The following ALG14 variants were observed in gnomAD, a reference collection of about 807,000 sequenced individuals.
ALG14 encodes ALG14 UDP-N-acetylglucosaminyltransferase subunit.
A neutral mutation model predicts 22.8 loss-of-function variants in ALG14; 17 were observed. The ratio of observed to expected loss-of-function variants is 0.75; its 90% CI spans 0.51 to 1.12. The LOEUF (loss-of-function observed/expected upper bound fraction) is 1.12. Among genes scored for constraint, ALG14 ranks in the 50% most tolerant of loss-of-function variants. The pLI is 0.00. For missense variants in ALG14, 288 were observed against 271.8 expected (o/e 1.06, Z -0.42); for synonymous variants, 89 against 103.7 (o/e 0.86, Z 0.86).
chr1:95,010,730 C>T (rs1433772828), intron 3 of ALG14, among the ~76,000 whole-genome samples: 3 of 152,094 alleles, frequency 2.0e-5, no homozygotes, highest in Admixed American at 1.3e-4. Context: ...CAGCCATGTG[C>T]CTACTCATTT....
intron 3 of ALG14, among the ~76,000 whole-genome samples, chr1:94,983,851 C>T (rs936720749): frequency 3.3e-5 from 5 of 151,744 alleles, no homozygotes; most frequent in Non-Finnish European, 7.4e-5. Context: ...AAGCGATTCT[C>T]CTGCCTCAGC....
chr1:95,052,217 C>T (rs749883131), intron 2 of ALG14, among the ~76,000 whole-genome samples: 9 of 152,032 alleles, frequency 5.9e-5, no homozygotes, highest in South Asian at 2.1e-4. Context: ...GAAATACATA[C>T]CTCTGAAAGA....
intron 2 of ALG14, among the ~76,000 whole-genome samples, chr1:95,055,602 T>G (rs1674897014): frequency 6.6e-6 from 1 of 152,104 alleles, no homozygotes; most frequent in Non-Finnish European, 1.5e-5. Flanking sequence ...CTCCCCAAAC[T>G]GATATATTCA....
chr1:94,985,238 C>T (rs1053569654), intron 3 of ALG14, among the ~76,000 whole-genome samples: 2 of 152,192 alleles, frequency 1.3e-5, no homozygotes, highest in Non-Finnish European at 2.9e-5. Context: ...AAATTACAAA[C>T]TTGCTCTGAA....
In ALG14 at chr1:95,003,644, G is replaced by A. The variant is rs553652180; in HGVS notation, c.421-20338C>T. On this transcript the variant is annotated intron_variant, in intron 3 of 3. Coordinates refer to ENST00000370205, the MANE Select transcript of ALG14 (RefSeq NM_144988.4). The stretch of plus-strand genomic sequence containing the variant: ...TTTAAAAATTTTTAAATATTTTGTA[G>A]AGATGAGGTCTTGCTATGTTGCCTA... 7.2e-4 allele frequency among the ~76,000 whole-genome samples: 110 copies of A among 151,890 alleles called. 2 individuals carry two copies. In the Middle Eastern group the frequency reaches 0.01, roughly 14 times the overall value.
At chr1:95,040,574 C>T (rs1274473990) in intron 2 of ALG14, among the ~76,000 whole-genome samples, 2 of 152,144 alleles carry the variant, frequency 1.3e-5, no homozygotes, top group Non-Finnish European at 2.9e-5. Flanking sequence ...GGCCTAAAGG[C>T]TGGAAGGATC....
At chr1:94,986,186 A>G (rs1672634727) in intron 3 of ALG14, among the ~76,000 whole-genome samples, 1 of 152,164 alleles carries the variant, frequency 6.6e-6, no homozygotes, top group Non-Finnish European at 1.5e-5. Context: ...CAAAATATAA[A>G]TTATCAGTGA....
chr1:95,061,952 T>C (rs1571674661), intron 2 of ALG14: 2 of 151,688 alleles, frequency 1.3e-5, no homozygotes, highest in East Asian at 4.0e-4. Flanking sequence ...TCTAGTTTCC[T>C]TCCTTAATTA....
intron 3 of ALG14, among the ~76,000 whole-genome samples, chr1:94,996,119 G>A (rs563307991): frequency 1.4e-4 from 22 of 152,322 alleles, no homozygotes; most frequent in African/African-American, 4.8e-4. Context: ...GTAGAGGAGT[G>A]ACTCTATGCT....
At chr1:95,059,295 G>A (rs1488951282) in intron 2 of ALG14, among the ~76,000 whole-genome samples, 1 of 150,932 alleles carries the variant, frequency 6.6e-6, no homozygotes, top group Non-Finnish European at 1.5e-5. Flanking sequence ...TACTAGGGGG[G>A]CTGAGGCAGG....
intron 3 of ALG14, among the ~76,000 whole-genome samples, chr1:95,005,986 T>C (rs971998791): frequency 6.6e-6 from 1 of 152,240 alleles, no homozygotes; most frequent in African/African-American, 2.4e-5. Context: ...GCAGGTTTTA[T>C]ACTGAATTGT....
chr1:95,037,969 A>G (rs538097258), intron 2 of ALG14, among the ~76,000 whole-genome samples: 1 of 152,368 alleles, frequency 6.6e-6, no homozygotes, highest in East Asian at 1.9e-4. Context: ...AGGACAGCAC[A>G]GGAAAAGTGA....
At chr1:95,047,578 A>G (rs1202478355) in intron 2 of ALG14, among the ~76,000 whole-genome samples, 1 of 152,130 alleles carries the variant, frequency 6.6e-6, no homozygotes, top group Non-Finnish European at 1.5e-5. Flanking sequence ...TCCTGACCTC[A>G]GCTGATCTGC....
intron 3 of ALG14, among the ~76,000 whole-genome samples, chr1:95,001,162 TAC>T (rs987027256): frequency 1.5e-4 from 23 of 152,022 alleles, no homozygotes; most frequent in African/African-American, 5.1e-4. Flanking sequence ...GTGGGAAGAG[TAC>T]AGTCTCTTCT....
chr1:95,046,560 T>C (rs149622875), intron 2 of ALG14, among the ~76,000 whole-genome samples: 34 of 152,378 alleles, frequency 2.2e-4, no homozygotes, highest in Non-Finnish European at 4.3e-4. Context: ...ACTGCTGATC[T>C]AGCAGAATGC....
intron 2 of ALG14, among the ~76,000 whole-genome samples, chr1:95,042,544 C>T (rs1268268631): frequency 1.3e-5 from 2 of 152,224 alleles, no homozygotes; most frequent in Admixed American, 6.5e-5. Context: ...CTCTCCTGGA[C>T]TGAGGCCCAG....
At chr1:95,015,149 C>T (rs948744941) in intron 3 of ALG14, among the ~76,000 whole-genome samples, 6 of 152,096 alleles carry the variant, frequency 3.9e-5, no homozygotes, top group African/African-American at 1.4e-4. Context: ...ATGCCATTCA[C>T]CTCTCAGTGG....
chr1:94,986,929 CGAATTCCCCTGGTG>C (rs967511026), intron 3 of ALG14, among the ~76,000 whole-genome samples: 4 of 152,110 alleles, frequency 2.6e-5, no homozygotes, highest in Admixed American at 6.5e-5. Context: ...ATCAGAGCAT[CGAATTCCCCTGGTG>C]AAAGTCACTG....
intron 3 of ALG14, among the ~76,000 whole-genome samples, chr1:94,999,380 T>C (rs542280872): frequency 5.6e-5 from 7 of 125,872 alleles, no homozygotes; most frequent in Non-Finnish European, 1.1e-4. Context: ...AAACCTGAAA[T>C]GAGGCTTCAA....
Sources: allele counts gnomAD v4.1 joint callset (sites outside exome capture counted in the v4.1 genomes callset), GRCh38; gene constraint gnomAD v4.1.1; transcripts MANE v1.5; gene names NCBI Gene and HGNC (gene_info 2026-07-23, HGNC 2026-07-21).